The following NOP2 variants were observed in gnomAD, a reference collection of about 807,000 sequenced individuals.
NOP2 encodes the protein 28S rRNA (cytosine(4447)-C(5))-methyltransferase.
NOP2 carries 7 observed loss-of-function variants against 72.7 expected under a neutral mutation model. The observed-to-expected ratio is 0.10, with a 90% CI of 0.05 to 0.18. NOP2 has a LOEUF of 0.18. Among genes scored for constraint, NOP2 ranks in the 10% least tolerant of loss-of-function variants. The pLI is 1.00. For missense variants in NOP2, 954 were observed against 1,014.7 expected (o/e 0.94, Z 0.81); for synonymous variants, 387 against 388.0 (o/e 1.00, Z 0.03).
rs1303396919 is a variant in NOP2, at chr12:6,567,897, T to A, written c.22A>T (p.Thr8Ser). Residue 8 changes from threonine to serine, a missense_variant, in exon 2 of 16, where the codon ACG becomes TCG. Coordinates refer to ENST00000322166, the MANE Select transcript of NOP2 (RefSeq NM_001258308.2). ...CGGCCTGGCCCCCGCTTCTCCTTCGTAGGGTCCAACTTGCGCCCCATGGTA... is the reference window on the plus strand; with the variant it reads ...CGGCCTGGCCCCCGCTTCTCCTTCGAAGGGTCCAACTTGCGCCCCATGGTA... The part of the protein sequence containing the change: MGRKLDP[T>S]KEKRGPGRKA... 6.2e-7 allele frequency: 1 copy of A among 1,613,984 alleles called. No individual in the cohort carries two copies. The highest frequency in any genetic ancestry group is 8.5e-7 in the Non-Finnish European group (1 of 1,179,870).
chr12:6,567,717 C>T (rs1947818159), intron 2 of NOP2, 99 bp downstream of exon 2: 1 of 915,248 alleles, frequency 1.1e-6, no homozygotes. Context: ...GAGAAGATTC[C>T]ACTTAAATAT....
rs1388210132 is a variant in NOP2 at position 6,560,891 on chromosome 12, A to G, written c.1347+40T>C. ...TTGAGGTCAGGAAGGGAGAAGGTCA[A>G]CCGGAAGAAGCCTCAGAAGACACAC... On this transcript the variant is annotated intron_variant, in intron 12 of 15. Transcript: ENST00000322166. The surrounding 1 kb of genome is among the most constrained non-coding windows in gnomAD (Gnocchi z 5.0). 6.2e-7 allele frequency: 1 copy of G among 1,612,858 alleles called. No individual in the cohort carries two copies. The highest frequency in any genetic ancestry group is 1.1e-5 in the South Asian group (1 of 90,950).
chr12:6,563,587 A>T, intron 7 of NOP2, 27 bp downstream of exon 7: 1 of 1,607,016 alleles, frequency 6.2e-7, no homozygotes, highest in Non-Finnish European at 8.5e-7. Context: ...CTTCCTCCTA[A>T]CTCTTCACTC....
intron 2 of NOP2, 118 bp from the exon 3 acceptor site, chr12:6,566,940 C>A: frequency 3.7e-6 from 3 of 801,456 alleles, no homozygotes; most frequent in East Asian, 5.3e-5. Context: ...CCATTTAAAT[C>A]TCAGCCCTGT....
At chr12:6,562,023 CTG>C (rs543297477) in intron 9 of NOP2, 52 bp from the exon 10 acceptor site, 76 of 1,331,790 alleles carry the variant, frequency 5.7e-5, no homozygotes, top group South Asian at 5.3e-4. Flanking sequence ...GAGTCTCACT[CTG>C]TTGCCCAGGC....
Position 6,560,586 on chromosome 12 carries a change from C to A in NOP2, c.1438-17G>T. ...CTTCTCATCCTGTCCCAAAAAGAGA[C>A]CCAAAGGCAGCCTCAGGAGGAGAGG... On this transcript the variant is annotated splice_polypyrimidine_tract_variant and intron_variant, in intron 13 of 15. Transcript: ENST00000322166. The surrounding 1 kb of genome is among the most constrained non-coding windows in gnomAD (Gnocchi z 5.0). 1 of 1,598,468 alleles carries A rather than the reference C, an allele frequency of 6.3e-7. No individual in the cohort carries two copies. Among genetic ancestry groups the A allele is most frequent in the South Asian group, 1.1e-5 (1 of 89,968 alleles).
In NOP2 at chr12:6,557,250, G is replaced by A. The variant is rs779232249; in HGVS notation, c.2182C>T (p.Pro728Ser). The change falls in exon 16 of 16, where the codon CCG becomes TCG. Residue 728 changes from proline (P) to serine (S), a missense_variant. Coordinates refer to ENST00000322166, the MANE Select transcript of NOP2 (RefSeq NM_001258308.2). ...GTCTTGGATGGGGATAACACAGCCG[G>A]TGTTTGTGTGTCTGTGCCCTTGGGA... ...APPKGTDTQTPAVLSPSKTQA... is the reference protein window; with the variant it reads ...APPKGTDTQTSAVLSPSKTQA... 6.2e-7 allele frequency: 1 copy of A among 1,613,968 alleles called. No individual in the cohort carries two copies. The highest frequency in any genetic ancestry group is 8.5e-7 in the Non-Finnish European group (1 of 1,179,824).
Position 6,557,523 on chromosome 12 carries a change from G to A in NOP2, c.1909C>T (p.Gln637Ter). ...GCCTTCTTGGGATGTTGCTGTTTCT[G>A]CAGCTGCTGCTTTGTCTTTGCAGCC... Reference protein sequence around the residue: ...KGAAKTKQQLQKQQHPKKASF... With the variant: ...KGAAKTKQQL The change falls in exon 16 of 16, where the codon CAG becomes TAG. Residue 637 changes from glutamine (Q) to a stop codon, truncating the protein, a stop_gained. Transcript: ENST00000322166. LOFTEE classifies it low-confidence loss of function (END_TRUNC). The A allele has an allele frequency of 6.2e-7, 1 of 1,613,978 alleles. No homozygotes were observed. The highest frequency in any genetic ancestry group is 1.3e-5 in the African/African-American group (1 of 75,018).
chr12:6,562,994 C>A (rs1032024561), intron 9 of NOP2, 87 bp downstream of exon 9: 8 of 1,323,728 alleles, frequency 6.0e-6, no homozygotes, highest in Non-Finnish European at 8.5e-6. Context: ...AAGGCCCCAC[C>A]CAGTCAGGGT....
Position 6,560,959 on chromosome 12 carries a change from C to A in NOP2, c.1319G>T (p.Ser440Ile), listed in dbSNP as rs771049900. Residue 440 changes from serine (S) to isoleucine (I), a missense_variant, in exon 12 of 16, where the codon AGC becomes ATC. Ser to Ile is a moderately radical substitution (Grantham distance 142). Coordinates refer to ENST00000322166, the MANE Select transcript of NOP2 (RefSeq NM_001258308.2). The surrounding 1 kb of genome is among the most constrained non-coding windows in gnomAD (Gnocchi z 5.0). ...HRLGVTNTII[S>I]HYDGRQFPKV... ...GGGGAACTGGCGCCCATCATAGTGGCTGATAATGGTGTTGGTGACTCCCAG... is the reference window on the plus strand; with the variant it reads ...GGGGAACTGGCGCCCATCATAGTGGATGATAATGGTGTTGGTGACTCCCAG... The A allele has an allele frequency of 1.2e-6, 2 of 1,613,906 alleles. No individual in the cohort carries two copies. The highest frequency in any genetic ancestry group is 3.3e-5 in the Admixed American group (2 of 59,988).
rs372042386 is a variant in NOP2 at position 6,560,468 on chromosome 12, A to C, written c.1539T>G (p.Val513=). The change falls in exon 14 of 16, where the codon GTT becomes GTG. Residue 513 remains valine (V), a synonymous_variant. Transcript: ENST00000322166. This position sits in a 1 kb window ranked among gnomAD's most constrained non-coding sequence, Gnocchi z 5.0. ...TCACTGTGATAGAACAGGTGCAGTA[A>C]ACCAGGTAGCCTCCTGTCTTGGAGG... ...NATSKTGGYL[V]YCTCSITVEE... 4 of 1,600,876 alleles carry C rather than the reference A, an allele frequency of 2.5e-6. No individual in the cohort carries two copies. Among genetic ancestry groups the C allele is most frequent in the East Asian group, 2.2e-5 (1 of 44,604 alleles).
At position 6,563,797 on chromosome 12, in the gene NOP2, G is replaced by A. The variant is rs12828873; in HGVS notation, c.531-26C>T. On this transcript the variant is annotated intron_variant, in intron 6 of 15. Transcript: ENST00000322166. Reference sequence around the variant, plus strand: ...CTAGAAACAGGTCCAGGAACAGAGTGATTCACAGACCAAAACAGATACCTC... The same window carrying A: ...CTAGAAACAGGTCCAGGAACAGAGTAATTCACAGACCAAAACAGATACCTC... 4,860 of 1,612,846 alleles carry A rather than the reference G, an allele frequency of 3.0e-3. 79 individuals are homozygous for A. The African/African-American group carries it at 0.042, about 14-fold the overall frequency.
chr12:6,566,901 A>C (rs2136180533), intron 2 of NOP2, 79 bp from the exon 3 acceptor site: 1 of 1,164,546 alleles, frequency 8.6e-7, no homozygotes, highest in East Asian at 2.5e-5. Context: ...AAACATGGTA[A>C]GAGAATTAGT....
chr12:6,563,822 C>T (rs1414772175), intron 6 of NOP2, 51 bp from the exon 7 acceptor site: 3 of 1,612,698 alleles, frequency 1.9e-6, no homozygotes, highest in East Asian at 2.2e-5. Context: ...ACAGATACCT[C>T]CTCCTTCCTC....
intron 1 of NOP2, 139 bp from the exon 2 acceptor site, chr12:6,568,061 AC>A: frequency 3.1e-6 from 2 of 635,462 alleles, no homozygotes; most frequent in Non-Finnish European, 2.7e-6. Context: ...CCGACTCAGC[AC>A]CCGCGACTCA....
In NOP2 at chr12:6,565,615, T is replaced by C. The variant is rs147920899; in HGVS notation, c.474+486A>G. On this transcript the variant is annotated intron_variant, in intron 5 of 15. Coordinates refer to ENST00000322166, the MANE Select transcript of NOP2 (RefSeq NM_001258308.2). ...TTGGCCTCCCAAAGTGCTAGGATTATAGGCATGAGCCACTGTGCCAGGCCA... is the reference window on the plus strand; with the variant it reads ...TTGGCCTCCCAAAGTGCTAGGATTACAGGCATGAGCCACTGTGCCAGGCCA... Among the ~76,000 whole-genome samples, 418 of 152,192 alleles carry C rather than the reference T, an allele frequency of 2.7e-3. 1 individual carries two copies. Among genetic ancestry groups the C allele is most frequent in the African/African-American group, 9.8e-3 (406 of 41,550 alleles).
At position 6,566,636 on chromosome 12, in the gene NOP2, T is replaced by G; in HGVS notation, c.150-19A>C. The G allele has an allele frequency of 6.2e-7, 1 of 1,612,284 alleles. No individual in the cohort carries two copies. The highest frequency in any genetic ancestry group is 1.3e-5 in the African/African-American group (1 of 74,934). ...GGCTGCCCTGAAAAGACACAAGAGA[T>G]TCAAGGAGTGAAGAAATGGGAAGAT... is the stretch of plus-strand genomic sequence containing the variant. On this transcript the variant is annotated intron_variant, in intron 3 of 15. Coordinates refer to ENST00000322166, the MANE Select transcript of NOP2 (RefSeq NM_001258308.2).
chr12:6,566,758 T>C lies in NOP2; in HGVS notation c.149+19A>G, dbSNP rs747975264. The C allele has an allele frequency of 8.7e-6, 14 of 1,612,688 alleles. No homozygotes were observed. The South Asian group carries it at 1.5e-4, about 18-fold the overall frequency. On this transcript the variant is annotated intron_variant, in intron 3 of 15. Transcript: ENST00000322166. Reference sequence around the variant, plus strand: ...GCAGTACCAATTTAACCTACTTAAGTTTTGACACCCACACTTACCTCTTTC... The same window carrying C: ...GCAGTACCAATTTAACCTACTTAAGCTTTGACACCCACACTTACCTCTTTC...
At position 6,566,082 on chromosome 12, in the gene NOP2, C is replaced by T. The variant is rs1947771822; in HGVS notation, c.474+19G>A. 1 of 1,588,110 alleles carries T rather than the reference C, an allele frequency of 6.3e-7. No individual in the cohort carries two copies. Among genetic ancestry groups the T allele is most frequent in the African/African-American group, 1.3e-5 (1 of 74,540 alleles). On this transcript the variant is annotated intron_variant, in intron 5 of 15. Coordinates refer to ENST00000322166, the MANE Select transcript of NOP2 (RefSeq NM_001258308.2). ...ATAGCAAGGATCCTTCTATGAATGCCCAAAAAGATGAATCTCACCGCTTCA... is the reference window on the plus strand; with the variant it reads ...ATAGCAAGGATCCTTCTATGAATGCTCAAAAAGATGAATCTCACCGCTTCA...
Sources: allele counts gnomAD v4.1 joint callset (sites outside exome capture counted in the v4.1 genomes callset), GRCh38; gene constraint gnomAD v4.1.1; non-coding constraint Gnocchi (gnomAD v3.1); transcripts MANE v1.5; gene names NCBI Gene and HGNC (gene_info 2026-07-23, HGNC 2026-07-21).